The following IQSEC1 variants were observed in gnomAD, a reference collection of about 807,000 sequenced individuals.
IQSEC1 encodes the protein IQ motif and Sec7 domain ArfGEF 1, also known as IQ motif and SEC7 domain-containing protein 1.
A neutral mutation model predicts 91.0 loss-of-function variants in IQSEC1; 31 were observed. The ratio of observed to expected loss-of-function variants is 0.34; its 90% CI spans 0.26 to 0.46. The LOEUF is 0.46. Ranked by LOEUF, IQSEC1 falls within the 20% of genes least tolerant of loss-of-function variation. The pLI, the probability that IQSEC1 is intolerant of heterozygous loss-of-function variation, is 1.00. For synonymous variants in IQSEC1, 699 were observed against 662.6 expected (o/e 1.05, Z -0.84); for missense variants, 1,388 against 1,575.6 (o/e 0.88, Z 2.02).
At chr3:13,050,296 G>A (rs1317476995) in intron 1 of IQSEC1, among the ~76,000 whole-genome samples, 1 of 151,940 alleles carries the variant, frequency 6.6e-6, no homozygotes, top group South Asian at 2.1e-4. Flanking sequence ...CACAGGCCAG[G>A]AACAGGCCCC....
intron 2 of IQSEC1, among the ~76,000 whole-genome samples, chr3:13,096,865 T>TA (rs386395978): frequency 1.9e-4 from 7 of 37,366 alleles, no homozygotes; most frequent in African/African-American, 1.7e-3. Flanking sequence ...TCTTTCTTTC[T>TA]TTTTTTTTTT....
At chr3:13,028,028 C>T (rs1023455066) in intron 1 of IQSEC1, among the ~76,000 whole-genome samples, 1 of 152,208 alleles carries the variant, frequency 6.6e-6, no homozygotes, top group Admixed American at 6.5e-5. Context: ...CACTTAGCTG[C>T]CTCCTCCCCC....
chr3:13,108,456 A>G (rs1208922013), intron 2 of IQSEC1, among the ~76,000 whole-genome samples: 1 of 152,124 alleles, frequency 6.6e-6, no homozygotes, highest in Non-Finnish European at 1.5e-5. Context: ...ACTGCCTTCC[A>G]GACACCACGT....
At chr3:13,166,769 T>C (rs548498990) in intron 1 of IQSEC1, among the ~76,000 whole-genome samples, 2 of 152,300 alleles carry the variant, frequency 1.3e-5, no homozygotes, top group African/African-American at 4.8e-5. Context: ...GGAGCCCAGC[T>C]TGGGGCCTGG....
intron 2 of IQSEC1, among the ~76,000 whole-genome samples, chr3:13,147,553 T>C (rs1268078069): frequency 3.9e-5 from 6 of 152,234 alleles, no homozygotes; most frequent in Non-Finnish European, 8.8e-5. Context: ...ACATTCTCTT[T>C]ATCCACTCAT....
chr3:13,265,439 G>A (rs1283829837), intron 1 of IQSEC1, among the ~76,000 whole-genome samples: 1 of 152,250 alleles, frequency 6.6e-6, no homozygotes, highest in Non-Finnish European at 1.5e-5. Context: ...TCCCAGAGAT[G>A]AAGCACAGCT....
At chr3:13,232,318 G>A (rs544142221) in intron 1 of IQSEC1, among the ~76,000 whole-genome samples, 130 of 152,304 alleles carry the variant, frequency 8.5e-4, no homozygotes, top group African/African-American at 3.0e-3. Flanking sequence ...CACCAACGCC[G>A]AGTGGCTTCT....
chr3:13,271,159 C>T (rs754912012), intron 1 of IQSEC1, among the ~76,000 whole-genome samples: 6 of 152,050 alleles, frequency 3.9e-5, no homozygotes, highest in African/African-American at 9.7e-5. Context: ...GGGCTGATCA[C>T]GAGGTCAGGG....
At chr3:13,042,741 G>A (rs950910898) in intron 1 of IQSEC1, among the ~76,000 whole-genome samples, 1 of 152,076 alleles carries the variant, frequency 6.6e-6, no homozygotes. Context: ...GGCTCCTGAC[G>A]GTGGCTCTGC....
chr3:13,252,175 GCC>G (rs923354706), intron 1 of IQSEC1, among the ~76,000 whole-genome samples: 2 of 152,070 alleles, frequency 1.3e-5, no homozygotes, highest in African/African-American at 4.8e-5. Context: ...TTGAAACTCT[GCC>G]CCCATTAAAC....
At chr3:12,971,331 T>C (rs181292899) in intron 1 of IQSEC1, among the ~76,000 whole-genome samples, 320 of 152,316 alleles carry the variant, frequency 2.1e-3, no homozygotes, top group African/African-American at 7.0e-3. Context: ...GGCCACAAGA[T>C]GGGATGCACT....
At chr3:13,176,482 A>C (rs1693732155) in intron 1 of IQSEC1, among the ~76,000 whole-genome samples, 1 of 152,216 alleles carries the variant, frequency 6.6e-6, no homozygotes, top group Admixed American at 6.5e-5. Flanking sequence ...GACAGCACAG[A>C]AAACCATGGT....
intron 3 of IQSEC1, among the ~76,000 whole-genome samples, chr3:12,932,477 C>T (rs754577103): frequency 2.0e-5 from 3 of 152,200 alleles, no homozygotes; most frequent in Non-Finnish European, 4.4e-5. Flanking sequence ...CGTGCGTTAG[C>T]GCGTGACAGG....
chr3:12,903,043 G>A lies in IQSEC1; in HGVS notation c.2756-221C>T, dbSNP rs754942460. On this transcript the variant is annotated intron_variant, in intron 12 of 13. Coordinates refer to ENST00000613206, the MANE Select transcript of IQSEC1 (RefSeq NM_001134382.3). The stretch of plus-strand genomic sequence containing the variant: ...AATGAATTTTAAAAATAAAGTTTTC[G>A]AAAAGCAAAAAAAAAATTCTTTTTT... Among the ~76,000 whole-genome samples, 151 of 152,008 alleles carry A rather than the reference G, an allele frequency of 9.9e-4. 1 individual carries two copies. The highest frequency in any genetic ancestry group is 3.4e-3 in the African/African-American group (141 of 41,472).
chr3:13,049,536 C>T (rs1479800595), intron 1 of IQSEC1, among the ~76,000 whole-genome samples: 2 of 152,182 alleles, frequency 1.3e-5, no homozygotes, highest in Non-Finnish European at 1.5e-5. Flanking sequence ...GTATGGCTCA[C>T]GGAGACCCCA....
intron 1 of IQSEC1, among the ~76,000 whole-genome samples, chr3:13,266,473 G>A (rs1695491551): frequency 6.6e-6 from 1 of 152,226 alleles, no homozygotes; most frequent in Non-Finnish European, 1.5e-5. Flanking sequence ...AGGCCCCTGA[G>A]GCCCAGACCC....
chr3:13,064,746 G>A (rs1246251378), intron 1 of IQSEC1, among the ~76,000 whole-genome samples: 1 of 152,266 alleles, frequency 6.6e-6, no homozygotes, highest in East Asian at 1.9e-4. Context: ...GTCAAGAGGA[G>A]TGAGGACCAG....
chr3:13,186,978 C>T (rs896174957), intron 1 of IQSEC1, among the ~76,000 whole-genome samples: 4 of 151,894 alleles, frequency 2.6e-5, no homozygotes, highest in African/African-American at 9.7e-5. Flanking sequence ...CCTTCCCTCC[C>T]TCCTTCCTTC....
chr3:13,267,660 C>G (rs1191739548), intron 1 of IQSEC1, among the ~76,000 whole-genome samples: 8 of 150,384 alleles, frequency 5.3e-5, no homozygotes, highest in African/African-American at 2.0e-4. Context: ...CTCTGTCGCC[C>G]AGGCTGGAGT....
Sources: gnomAD v4.1 joint callset for allele counts (sites outside exome capture counted in the v4.1 genomes callset) on GRCh38, gnomAD v4.1.1 for gene constraint, MANE v1.5 for transcripts, NCBI Gene and HGNC (gene_info 2026-07-23, HGNC 2026-07-21) for gene names.